TSBP1: variants seen among roughly 807,000 people sequenced by gnomAD.
TSBP1 encodes testis expressed basic protein 1.
Under a neutral mutation model 68.8 loss-of-function variants are expected in TSBP1, and 56 were observed. The observed-to-expected ratio is 0.81, with a 90% CI of 0.66 to 1.02. TSBP1 has a LOEUF of 1.02. TSBP1 is among the 50% of genes least tolerant of loss of function. The probability of loss-of-function intolerance (pLI) is 0.00; values close to 1 mark genes in which losing one functional copy is unlikely to be tolerated. For missense variants in TSBP1, 502 were observed against 641.2 expected, an observed-to-expected ratio of 0.78 and a Z score of 2.34; for synonymous variants, 171 against 208.7, an observed-to-expected ratio of 0.82 and a Z score of 1.56.
rs908062935 is a variant in TSBP1 at position 32,365,891 on chromosome 6, G to A, written c.217+276C>T. 3.3e-5 allele frequency: 18 copies of A among 544,496 alleles called. No individual in the cohort carries two copies. The highest frequency in any genetic ancestry group is 2.2e-4 in the African/African-American group (12 of 53,866). 33.7% of individuals were successfully genotyped at this position (544,496 alleles called of 1,614,324 possible). A position where few individuals can be genotyped will look rare whatever the true frequency, so the allele number is the denominator to read the frequency against. ...CTAAATTGATGCTTCTGTGTGGGAA[G>A]AAAGCTCCTATTCTACTATTTTGCT... On this transcript the variant is annotated intron_variant, in intron 6 of 22. Transcript: ENST00000612031. The surrounding 1 kb of genome is among the most constrained non-coding windows in gnomAD (Gnocchi z 4.3).
At chr6:32,330,506 G>T in intron 16 of TSBP1, 83 bp downstream of exon 17, 1 of 1,281,008 alleles carries the variant, frequency 7.8e-7, no homozygotes, top group Non-Finnish European at 1.1e-6. Flanking sequence ...ACACATCTAG[G>T]GCATTTGAGA....
rs950736221 is a variant in TSBP1, at chr6:32,357,067, A to C, written c.218-1398T>G. On this transcript the variant is annotated intron_variant, in intron 6 of 22. Transcript: ENST00000612031. The surrounding 1 kb of genome is among the most constrained non-coding windows in gnomAD (Gnocchi z 4.7). ...AGTTGACCAGTACATTTATATTCCT[A>C]TGTCTAGAAATAATGGAGGGAAGAC... 6.6e-6 allele frequency among the ~76,000 whole-genome samples: 1 copy of C among 152,136 alleles called. No homozygotes were observed. Among genetic ancestry groups the C allele is most frequent in the Non-Finnish European group, 1.5e-5 (1 of 68,024 alleles).
In TSBP1 at chr6:32,316,452, G is replaced by A; in HGVS notation, c.560-660C>T. ...GATATCAGTGAAGATTTGTTTGAAA[G>A]GAGCAAGTTTCCTTCTAGGGAGAGA... is the stretch of plus-strand genomic sequence containing the variant. On this transcript the variant is annotated intron_variant, in intron 18 of 22. Coordinates refer to ENST00000612031, the Ensembl canonical transcript of TSBP1. This position sits in a 1 kb window ranked among gnomAD's most constrained non-coding sequence, Gnocchi z 4.5. 6.5e-7 allele frequency: 1 copy of A among 1,538,890 alleles called. No individual in the cohort carries two copies. The highest frequency in any genetic ancestry group is 8.8e-7 in the Non-Finnish European group (1 of 1,136,960).
intron 22 of TSBP1, among the ~76,000 whole-genome samples, chr6:32,299,136 G>A (rs1765022336): frequency 6.6e-6 from 1 of 152,138 alleles, no homozygotes; most frequent in African/African-American, 2.4e-5. Flanking sequence ...TTTGGAGATA[G>A]GACATCCTGG....
chr6:32,365,060 ATTT>A lies in TSBP1; in HGVS notation c.217+1104_217+1106del. Among the ~76,000 whole-genome samples, 1 of 145,444 alleles carries A rather than the reference ATTT, an allele frequency of 6.9e-6. No homozygotes were observed. The highest frequency in any genetic ancestry group is 6.8e-5 in the Admixed American group (1 of 14,708). On this transcript the variant is annotated intron_variant, in intron 6 of 22. Coordinates refer to ENST00000612031, the Ensembl canonical transcript of TSBP1. The surrounding 1 kb of genome is among the most constrained non-coding windows in gnomAD (Gnocchi z 4.3). Reference sequence around the variant, plus strand: ...AGGTGTGCACCGCCACATCCAACTGATTTTTTTTTTTTTTAGAGACGGAGTCTC... The same window carrying A: ...AGGTGTGCACCGCCACATCCAACTGATTTTTTTTTTTAGAGACGGAGTCTC...
At chr6:32,366,244 A>G in intron 5 of TSBP1, 29 bp downstream of exon 5, 1 of 1,592,556 alleles carries the variant, frequency 6.3e-7, no homozygotes, top group African/African-American at 1.4e-5. Context: ...AGACTCCTAT[A>G]TTAATTTCTT....
chr6:32,361,977 G>A lies in TSBP1; in HGVS notation c.217+4190C>T, dbSNP rs1455804803. The stretch of plus-strand genomic sequence containing the variant: ...AATGGATTAATGAGTTGTCAGGCAA[G>A]TGGAACTGGTGGCTTCATAAGAAGA... On this transcript the variant is annotated intron_variant, in intron 6 of 22. Transcript: ENST00000612031. The surrounding 1 kb of genome is among the most constrained non-coding windows in gnomAD (Gnocchi z 4.3). Among the ~76,000 whole-genome samples the A allele has an allele frequency of 6.6e-6, 1 of 152,068 alleles. No homozygotes were observed. Among genetic ancestry groups the A allele is most frequent in the Non-Finnish European group, 1.5e-5 (1 of 68,012 alleles).
Position 32,321,795 on chromosome 6 carries a change from A to G in TSBP1, c.559+1322T>C, listed in dbSNP as rs1767661237. ...TAGATGGAACTAGAGGGGAGTATGT[A>G]AGTATGTTTGCAATCTGTTAGAGTA... On this transcript the variant is annotated intron_variant, in intron 18 of 22. Coordinates refer to ENST00000612031, the Ensembl canonical transcript of TSBP1. The surrounding 1 kb of genome is among the most constrained non-coding windows in gnomAD (Gnocchi z 4.3). Among the ~76,000 whole-genome samples the G allele has an allele frequency of 6.6e-6, 1 of 152,216 alleles. No individual in the cohort carries two copies. The highest frequency in any genetic ancestry group is 2.1e-4 in the South Asian group (1 of 4,836).
At chr6:32,300,051 A>ACTTAGAAACAGGACTTGGAGGATG in intron 21 of TSBP1, 115 bp from the exon 25 acceptor site, 7 of 831,902 alleles carry the variant, frequency 8.4e-6, no homozygotes, top group Non-Finnish European at 1.2e-5. Context: ...AGGGAGCACA[A>ACTTAGAAACAGGACTTGGAGGATG]AACTCTGTTT....
intron 14 of TSBP1, 25 bp from the exon 16 acceptor site, chr6:32,332,079 A>G (rs368880413): frequency 1.8e-4 from 284 of 1,569,060 alleles, no homozygotes; most frequent in Middle Eastern, 8.3e-4. Context: ...AAATTGGCAT[A>G]TTAGTACAGT....
chr6:32,308,956 G>GC (rs1491561056), intron 19 of TSBP1, among the ~76,000 whole-genome samples: 39 of 89,132 alleles, frequency 4.4e-4, no homozygotes, highest in South Asian at 3.8e-3. Flanking sequence ...TTTTCTTCCT[G>GC]CTTTTTTTTT....
At chr6:32,329,469 A>G (rs1768664489) in intron 16 of TSBP1, among the ~76,000 whole-genome samples, 2 of 152,236 alleles carry the variant, frequency 1.3e-5, no homozygotes. Context: ...GGGAATAGTC[A>G]ATAACAAATG....
intron 20 of TSBP1, among the ~76,000 whole-genome samples, chr6:32,301,860 C>T (rs1765326931): frequency 6.6e-6 from 1 of 151,118 alleles, no homozygotes; most frequent in Admixed American, 6.6e-5. Context: ...CTAGTTTTTC[C>T]ATATAAATCT....
exon 1 of TSBP1, chr6:32,371,722 T>C: frequency 6.2e-7 from 1 of 1,613,846 alleles, no homozygotes; most frequent in Non-Finnish European, 8.5e-7. Flanking sequence ...ATGTATTGTC[T>C]TCATCAGGTC....
chr6:32,330,456 A>G (rs1266322441), intron 16 of TSBP1, 133 bp downstream of exon 17: 1 of 758,892 alleles, frequency 1.3e-6, no homozygotes, highest in Non-Finnish European at 2.1e-6. Context: ...ATCAGGAAGC[A>G]TAAAAACATG....
chr6:32,328,026 C>T (rs1392194371), intron 16 of TSBP1, among the ~76,000 whole-genome samples: 1 of 151,670 alleles, frequency 6.6e-6, no homozygotes, highest in South Asian at 2.1e-4. Context: ...GGATGGTCTC[C>T]ATCTCCTGAC....
Position 32,343,936 on chromosome 6 carries a change from A to G in TSBP1, c.350-4298T>C, listed in dbSNP as rs1306959898. On this transcript the variant is annotated intron_variant, in intron 9 of 22. Transcript: ENST00000612031. This position sits in a 1 kb window ranked among gnomAD's most constrained non-coding sequence, Gnocchi z 4.3. ...AGAAGGTTTAATGATATTAACTTTG[A>G]TAGTAATTTGTACAAGCTACCATAG... Among the ~76,000 whole-genome samples the G allele has an allele frequency of 6.6e-6, 1 of 152,044 alleles. No homozygotes were observed. The highest frequency in any genetic ancestry group is 1.5e-5 in the Non-Finnish European group (1 of 68,026).
intron 18 of TSBP1, among the ~76,000 whole-genome samples, chr6:32,319,789 T>TA (rs1767400523): frequency 1.3e-5 from 2 of 151,970 alleles, no homozygotes; most frequent in Non-Finnish European, 2.9e-5. Context: ...TCTCAACATA[T>TA]GAACTCCTTA....
chr6:32,317,854 G>A (rs1487469756), intron 18 of TSBP1, among the ~76,000 whole-genome samples: 1 of 152,140 alleles, frequency 6.6e-6, no homozygotes, highest in Non-Finnish European at 1.5e-5. Flanking sequence ...TACCTTGTTG[G>A]TGGCAACGTA....
Sources: allele counts gnomAD v4.1 joint callset (sites outside exome capture counted in the v4.1 genomes callset), GRCh38; gene constraint gnomAD v4.1.1; non-coding constraint Gnocchi (gnomAD v3.1); transcripts MANE v1.5; gene names NCBI Gene and HGNC (gene_info 2026-07-23, HGNC 2026-07-21).